Variants in UBE3C observed in about 807,000 individuals in gnomAD.
UBE3C encodes ubiquitin-protein ligase E3C.
A neutral mutation model predicts 129.4 loss-of-function variants in UBE3C; 42 were observed. The ratio of observed to expected loss-of-function variants is 0.32; its 90% CI spans 0.25 to 0.42. The LOEUF is 0.42. UBE3C is among the 10% of genes least tolerant of loss of function. UBE3C has a pLI of 1.00. For synonymous variants in UBE3C, 510 were observed against 492.4 expected, an observed-to-expected ratio of 1.04 and a Z score of -0.47; for missense variants, 1,049 against 1,319.1, an observed-to-expected ratio of 0.80 and a Z score of 3.17.
At chr7:157,164,363 C>T (rs571959706) in intron 2 of UBE3C, 15 of 456,488 alleles carry the variant, frequency 3.3e-5, no homozygotes, top group Non-Finnish European at 5.3e-5. Flanking sequence ...TGCTTTGCTG[C>T]CGAGGCTGAT....
chr7:157,267,155 G>A (rs575341231), intron 22 of UBE3C, among the ~76,000 whole-genome samples: 4 of 152,320 alleles, frequency 2.6e-5, no homozygotes, highest in African/African-American at 4.8e-5. Context: ...CAGGCACGGT[G>A]GCTCACGCCT....
chr7:157,178,767 ATACT>A lies in UBE3C; in HGVS notation c.542_545del (p.Tyr181CysfsTer13). On this transcript the variant is annotated frameshift_variant, in exon 6 of 23. Transcript: ENST00000348165. LOFTEE classifies it high-confidence loss of function. ...ATGCTTGAAGTATTTTCGTCTGAGA[ATACT>A]TACTTGCCTGTTTTACAAGATGCTA... The A allele has an allele frequency of 6.2e-7, 1 of 1,614,206 alleles. No homozygotes were observed. The highest frequency in any genetic ancestry group is 8.5e-7 in the Non-Finnish European group (1 of 1,180,026).
chr7:157,219,513 G>A (rs1795678580), intron 14 of UBE3C, among the ~76,000 whole-genome samples: 1 of 152,126 alleles, frequency 6.6e-6, no homozygotes, highest in Admixed American at 6.5e-5. Context: ...AGGAAACATA[G>A]GGGTTAGAAG....
chr7:157,161,977 C>T (rs898725744), intron 1 of UBE3C, among the ~76,000 whole-genome samples: 1 of 151,614 alleles, frequency 6.6e-6, no homozygotes, highest in Non-Finnish European at 1.5e-5. Flanking sequence ...GGCTGTGGCA[C>T]GAGAATTGCT....
intron 19 of UBE3C, among the ~76,000 whole-genome samples, chr7:157,251,629 T>C (rs772184896): frequency 2.6e-4 from 39 of 152,088 alleles, no homozygotes; most frequent in Non-Finnish European, 4.7e-4. Flanking sequence ...CAAGTGAAAA[T>C]AGACTTTCTG....
rs749227725 is a variant in UBE3C at position 157,186,910 on chromosome 7, C to A, written c.1220C>A (p.Thr407Asn). 1 of 1,614,174 alleles carries A rather than the reference C, an allele frequency of 6.2e-7. No homozygotes were observed. Among genetic ancestry groups the A allele is most frequent in the East Asian group, 2.2e-5 (1 of 44,884 alleles). Residue 407 changes from threonine to asparagine, a missense_variant, in exon 10 of 23, where the codon ACC becomes AAC. By Grantham distance (65) the Thr-to-Asn change is moderately conservative. This residue lies in a region of UBE3C where 489 missense variants were observed against 513.8 expected (regional missense o/e 0.95). Transcript: ENST00000348165. Reference protein sequence around the residue: ...KKLDTKQQTNTLLNLVWRDSA... With the variant: ...KKLDTKQQTNNLLNLVWRDSA... Reference sequence around the variant, plus strand: ...CTGGACACAAAGCAGCAGACCAACACCCTGCTCAACCTGGTGTGGAGGGAC... The same window carrying A: ...CTGGACACAAAGCAGCAGACCAACAACCTGCTCAACCTGGTGTGGAGGGAC...
intron 18 of UBE3C, among the ~76,000 whole-genome samples, chr7:157,236,525 T>C (rs1457651251): frequency 1.3e-5 from 2 of 152,210 alleles, no homozygotes; most frequent in East Asian, 1.9e-4. Context: ...TAGTGTAATA[T>C]TGGCACTTAA....
At chr7:157,242,139 A>G (rs1796348256) in intron 18 of UBE3C, among the ~76,000 whole-genome samples, 1 of 152,242 alleles carries the variant, frequency 6.6e-6, no homozygotes, top group Admixed American at 6.5e-5. Context: ...GTGATATCCC[A>G]GTAAAGCTGT....
intron 1 of UBE3C, among the ~76,000 whole-genome samples, chr7:157,148,663 C>T (rs1807672494): frequency 6.7e-6 from 1 of 150,162 alleles, no homozygotes; most frequent in Non-Finnish European, 1.5e-5. Context: ...TGTAGTGGAA[C>T]ATAAAAACTT....
intron 19 of UBE3C, among the ~76,000 whole-genome samples, chr7:157,249,171 C>T (rs895865484): frequency 5.9e-5 from 9 of 152,096 alleles, no homozygotes; most frequent in Non-Finnish European, 1.5e-5. Flanking sequence ...GGTGTGCAGC[C>T]ATCATCACCC....
chr7:157,254,273 A>T lies in UBE3C; in HGVS notation c.2913A>T (p.Ile971=). 6.2e-7 allele frequency: 1 copy of T among 1,613,618 alleles called. No individual in the cohort carries two copies. Among genetic ancestry groups the T allele is most frequent in the Non-Finnish European group, 8.5e-7 (1 of 1,179,902 alleles). ...QVLISGAQVP[I]SLEDLKSFTN... ...TAATTTCTGGTGCACAAGTTCCCATAAGCCTAGAGGACCTAAAATCCTTTA... is the reference window on the plus strand; with the variant it reads ...TAATTTCTGGTGCACAAGTTCCCATTAGCCTAGAGGACCTAAAATCCTTTA... The change falls in exon 21 of 23, where the codon ATA becomes ATT. Residue 971 remains isoleucine, a synonymous_variant. Transcript: ENST00000348165.
Position 157,212,456 on chromosome 7 carries a change from A to G in UBE3C, c.1810-4411A>G, listed in dbSNP as rs555860131. On this transcript the variant is annotated intron_variant, in intron 13 of 22. Coordinates refer to ENST00000348165, the MANE Select transcript of UBE3C (RefSeq NM_014671.3). ...CTAATTTATATATACATTTGTGATA[A>G]TATAGCTAGTGCGTAAGAATATTTC... Among the ~76,000 whole-genome samples the G allele has an allele frequency of 2.8e-4, 43 of 152,350 alleles. 1 individual carries two copies. The South Asian group carries it at 8.9e-3, about 32-fold the overall frequency.
intron 1 of UBE3C, among the ~76,000 whole-genome samples, chr7:157,162,914 A>T (rs762153475): frequency 6.6e-6 from 1 of 152,172 alleles, no homozygotes; most frequent in Non-Finnish European, 1.5e-5. Context: ...GGTTCTGTTT[A>T]AGTATTTTTC....
At chr7:157,184,689 A>C (rs1365914079) in intron 9 of UBE3C, among the ~76,000 whole-genome samples, 1 of 152,192 alleles carries the variant, frequency 6.6e-6, no homozygotes, top group Non-Finnish European at 1.5e-5. Context: ...TATACTTGAG[A>C]GGGTCTCAGG....
At chr7:157,161,347 T>C (rs974194462) in intron 1 of UBE3C, among the ~76,000 whole-genome samples, 10 of 152,190 alleles carry the variant, frequency 6.6e-5, no homozygotes, top group African/African-American at 2.2e-4. Flanking sequence ...ATCATTTTAA[T>C]TAAGTTTAAA....
At chr7:157,226,745 C>T (rs933569432) in intron 17 of UBE3C, among the ~76,000 whole-genome samples, 51 of 147,730 alleles carry the variant, frequency 3.5e-4, no homozygotes, top group Non-Finnish European at 6.7e-4. Flanking sequence ...ACACAATTTA[C>T]CGTTGCCATT....
chr7:157,267,413 C>G (rs1365896874), intron 22 of UBE3C, among the ~76,000 whole-genome samples, 172 bp from the exon 23 acceptor site: 1 of 152,178 alleles, frequency 6.6e-6, no homozygotes, highest in East Asian at 1.9e-4. Context: ...CAGAGCTAGA[C>G]TCCATCTCAA....
chr7:157,173,845 A>C (rs948569128), intron 4 of UBE3C, among the ~76,000 whole-genome samples: 1 of 152,224 alleles, frequency 6.6e-6, no homozygotes, highest in African/African-American at 2.4e-5. Context: ...AAACACCTCA[A>C]GAGAAAGCCT....
chr7:157,253,737 T>G (rs1796675456), intron 19 of UBE3C, among the ~76,000 whole-genome samples: 1 of 152,202 alleles, frequency 6.6e-6, no homozygotes, highest in African/African-American at 2.4e-5. Flanking sequence ...GTTAGTGATC[T>G]TAAAGACAGA....
Sources: gnomAD v4.1 joint callset for allele counts (sites outside exome capture counted in the v4.1 genomes callset) on GRCh38, gnomAD v4.1.1 for gene constraint, gnomAD v4.1.1 regional missense constraint, MANE v1.5 for transcripts, NCBI Gene and HGNC (gene_info 2026-07-23, HGNC 2026-07-21) for gene names.